NALCN: variants seen among roughly 807,000 people sequenced by gnomAD.
The protein encoded by NALCN is sodium leak channel, non-selective, also known as sodium leak channel NALCN.
A neutral mutation model predicts 225.3 loss-of-function variants in NALCN; 111 were observed. That is an observed-to-expected ratio of 0.49 (90% CI 0.42 to 0.58). The LOEUF is 0.58. NALCN is among the 20% of genes least tolerant of loss of function. The pLI, the probability that NALCN is intolerant of heterozygous loss-of-function variation, is 0.00. For synonymous variants in NALCN, 764 were observed against 769.0 expected (o/e 0.99, Z 0.11); for missense variants, 1,378 against 2,202.4 (o/e 0.63, Z 7.49).
chr13:101,158,393 A>C (rs546859574), intron 15 of NALCN, among the ~76,000 whole-genome samples: 1 of 152,038 alleles, frequency 6.6e-6, no homozygotes, highest in Non-Finnish European at 1.5e-5. Flanking sequence ...TGCCTCCCCA[A>C]CCTTCCTCTA....
intron 12 of NALCN, 92 bp downstream of exon 12, chr13:101,237,663 T>C: frequency 1.6e-6 from 1 of 617,128 alleles, no homozygotes; most frequent in Non-Finnish European, 2.4e-6. Context: ...AAATATTATA[T>C]ATAATTCTAT....
At chr13:101,311,994 C>CT (rs540812102) in intron 7 of NALCN, among the ~76,000 whole-genome samples, 6,751 of 152,176 alleles carry the variant, frequency 0.044, 339 homozygotes, top group East Asian at 0.26. Context: ...TGGTCCCGGA[C>CT]TTTTTTTGGT....
intron 2 of NALCN, among the ~76,000 whole-genome samples, chr13:101,396,579 T>A (rs2047299906): frequency 6.6e-6 from 1 of 152,126 alleles, no homozygotes; most frequent in African/African-American, 2.4e-5. Context: ...AATATTTACA[T>A]GAAGATATTT....
intron 35 of NALCN, among the ~76,000 whole-genome samples, chr13:101,074,979 T>TG (rs1306187536): frequency 2.0e-5 from 3 of 152,182 alleles, no homozygotes; most frequent in Admixed American, 6.5e-5. Flanking sequence ...CATTTTCTCT[T>TG]CTGCTCCTCA....
In NALCN at chr13:101,073,593, A is replaced by T; in HGVS notation, c.4188T>A (p.His1396Gln). 3 of 1,612,794 alleles carry T rather than the reference A, an allele frequency of 1.9e-6. No homozygotes were observed. The highest frequency in any genetic ancestry group is 2.5e-6 in the Non-Finnish European group (3 of 1,179,032). ...GATGAGAGATATTTACCATACAGTCATGCATAATCTTGTTCCAGTCTTCAC... is the reference window on the plus strand; with the variant it reads ...GATGAGAGATATTTACCATACAGTCTTGCATAATCTTGTTCCAGTCTTCAC... ...VTGEDWNKIM[H>Q]DCMVQPPFCT... Residue 1396 changes from histidine to glutamine, a missense_variant, in exon 37 of 44, where the codon CAT becomes CAA. His to Gln is a conservative substitution (Grantham distance 24). This residue lies in a region of NALCN where 76 missense variants were observed against 118.7 expected (regional missense o/e 0.64). Transcript: ENST00000251127.
chr13:101,159,449 G>C (rs763534344), intron 15 of NALCN, among the ~76,000 whole-genome samples: 1 of 152,152 alleles, frequency 6.6e-6, no homozygotes, highest in African/African-American at 2.4e-5. Flanking sequence ...GCCTATGCTG[G>C]GGATTGCGGT....
In NALCN at chr13:101,055,130, C is replaced by T; in HGVS notation, c.*165G>A. On this transcript the variant is annotated 3_prime_UTR_variant, in exon 44 of 44. Coordinates refer to ENST00000251127, the MANE Select transcript of NALCN (RefSeq NM_052867.4). ...CAATGATTGATAGTAACCCATCATA[C>T]ATGCAGCTTATGCCTTTCTGTGGCA... The T allele has an allele frequency of 1.6e-6, 1 of 624,884 alleles. No homozygotes were observed. The allele number at this position is 624,884 out of a possible 1,614,324, so 38.7% of individuals were successfully genotyped here.
At chr13:101,231,039 C>T (rs1374296087) in intron 12 of NALCN, among the ~76,000 whole-genome samples, 1 of 152,018 alleles carries the variant, frequency 6.6e-6, no homozygotes, top group Non-Finnish European at 1.5e-5. Flanking sequence ...AGGTTTGTAG[C>T]CTAGGAGCAA....
At chr13:101,401,077 GAAGTGTGAAAA>G (rs1394686489) in intron 1 of NALCN, among the ~76,000 whole-genome samples, 76 of 152,144 alleles carry the variant, frequency 5.0e-4, no homozygotes, top group Non-Finnish European at 9.7e-4. Flanking sequence ...TTTCTTTATA[GAAGTGTGAAAA>G]CGGACGGATT....
chr13:101,280,261 ATTACCTGACCCC>A (rs1029852831), intron 10 of NALCN, among the ~76,000 whole-genome samples: 1 of 152,170 alleles, frequency 6.6e-6, no homozygotes, highest in African/African-American at 2.4e-5. Context: ...GTCACACTGA[ATTACCTGACCCC>A]TTTCCCCCCA....
At chr13:101,236,917 TAATAA>T (rs1328274170) in intron 12 of NALCN, among the ~76,000 whole-genome samples, 24 of 142,392 alleles carry the variant, frequency 1.7e-4, no homozygotes, top group African/African-American at 3.6e-4. Flanking sequence ...AGTATAATAA[TAATAA>T]AATAAAATAA....
intron 40 of NALCN, among the ~76,000 whole-genome samples, chr13:101,064,177 T>C (rs2032181929): frequency 6.6e-6 from 1 of 152,214 alleles, no homozygotes; most frequent in Non-Finnish European, 1.5e-5. Flanking sequence ...TGAAAATATC[T>C]ATGATTTCTC....
At chr13:101,377,603 G>C (rs1328950158) in intron 4 of NALCN, among the ~76,000 whole-genome samples, 4 of 152,040 alleles carry the variant, frequency 2.6e-5, no homozygotes, top group African/African-American at 9.7e-5. Flanking sequence ...TGGGAGAGGT[G>C]AACTTTATAA....
chr13:101,131,572 T>C (rs2036522604), intron 17 of NALCN, among the ~76,000 whole-genome samples: 1 of 152,190 alleles, frequency 6.6e-6, no homozygotes, highest in South Asian at 2.1e-4. Flanking sequence ...CTCTTGTTCC[T>C]GGCCTGTTCA....
rs138904466 is a variant in NALCN at position 101,138,981 on chromosome 13, G to A, written c.2118+4099C>T. On this transcript the variant is annotated intron_variant, in intron 17 of 43. Transcript: ENST00000251127. ...AGGAACGGTAGGTAGCAGGATAAAG[G>A]GATGGGGAAATGACCACTTGGGAAG... is the stretch of plus-strand genomic sequence containing the variant. Among the ~76,000 whole-genome samples, 173 of 152,242 alleles carry A rather than the reference G, an allele frequency of 1.1e-3. 1 individual carries two copies. The highest frequency in any genetic ancestry group is 4.1e-3 in the African/African-American group (169 of 41,544).
At chr13:101,300,868 A>G (rs2043941007) in intron 7 of NALCN, among the ~76,000 whole-genome samples, 1 of 152,234 alleles carries the variant, frequency 6.6e-6, no homozygotes. Flanking sequence ...AAAAATATTT[A>G]TAAACTTTAT....
At chr13:101,303,718 T>G (rs573110966) in intron 7 of NALCN, among the ~76,000 whole-genome samples, 1 of 152,292 alleles carries the variant, frequency 6.6e-6, no homozygotes, top group African/African-American at 2.4e-5. Context: ...ATGCCTGGAA[T>G]AAAATGTCTT....
chr13:101,345,209 C>T, intron 7 of NALCN, 57 bp downstream of exon 7: 1 of 1,523,896 alleles, frequency 6.6e-7, no homozygotes, highest in Non-Finnish European at 9.0e-7. Flanking sequence ...TTATTCTGTC[C>T]ACTTCATAAA....
chr13:101,056,246 C>CTTTTTT (rs34583741), intron 43 of NALCN, among the ~76,000 whole-genome samples: 8 of 45,850 alleles, frequency 1.7e-4, no homozygotes, highest in South Asian at 1.1e-3. Context: ...AGTGGAAGTA[C>CTTTTTT]TTTTTTTTTT....
Sources: allele counts gnomAD v4.1 joint callset (sites outside exome capture counted in the v4.1 genomes callset), GRCh38; gene constraint gnomAD v4.1.1; regional missense constraint gnomAD v4.1.1; transcripts MANE v1.5; gene names NCBI Gene and HGNC (gene_info 2026-07-23, HGNC 2026-07-21).